The following PXK variants were observed in gnomAD, a reference collection of about 807,000 sequenced individuals.
PXK encodes PX domain containing serine/threonine kinase like, also known as PX domain-containing protein kinase-like protein.
PXK carries 35 observed loss-of-function variants against 84.7 expected under a neutral mutation model. That is an observed-to-expected ratio of 0.41 (90% CI 0.32 to 0.55). The LOEUF is 0.55. Among genes scored for constraint, PXK ranks in the 20% least tolerant of loss-of-function variants. The pLI is 0.21. For synonymous variants in PXK, 253 were observed against 260.8 expected (o/e 0.97, Z 0.29); for missense variants, 634 against 699.7 (o/e 0.91, Z 1.06).
chr3:58,381,763 T>C (rs1160578998), intron 3 of PXK, among the ~76,000 whole-genome samples: 2 of 152,098 alleles, frequency 1.3e-5, no homozygotes, highest in Non-Finnish European at 2.9e-5. Flanking sequence ...TCTTCCATAA[T>C]GGGAAATCTA....
chr3:58,403,830 G>T, intron 12 of PXK, 32 bp from the exon 13 acceptor site: 1 of 1,482,026 alleles, frequency 6.7e-7, no homozygotes. Flanking sequence ...CGTGGTTCAA[G>T]AAAGATTTTT....
chr3:58,378,512 T>TTGTGTGTGTGTGTGTGTGTGTG (rs71091375), intron 3 of PXK, among the ~76,000 whole-genome samples: 1 of 29,100 alleles, frequency 3.4e-5, no homozygotes, highest in Non-Finnish European at 6.2e-5. Flanking sequence ...TTTTTTTTTT[T>TTGTGTGTGTGTGTGTGTGTGTG]TGTGTGTGTG....
intron 1 of PXK, among the ~76,000 whole-genome samples, chr3:58,348,574 A>G (rs1191467743): frequency 1.3e-5 from 2 of 152,222 alleles, no homozygotes; most frequent in Non-Finnish European, 2.9e-5. Context: ...TATTTAACCC[A>G]ATATATCCAA....
At chr3:58,410,055 T>A in intron 15 of PXK, 35 bp from the exon 16 acceptor site, 3 of 1,383,060 alleles carry the variant, frequency 2.2e-6, no homozygotes, top group Non-Finnish European at 3.1e-6. Flanking sequence ...TTTGCTTTCC[T>A]CTCCCTCCCT....
chr3:58,349,194 A>G (rs887810744), intron 1 of PXK, among the ~76,000 whole-genome samples: 4 of 152,242 alleles, frequency 2.6e-5, no homozygotes, highest in East Asian at 1.9e-4. Context: ...TGGTTGTACC[A>G]CTGCACTCCA....
chr3:58,424,918 G>A lies in PXK; in HGVS notation c.1695G>A (p.Arg565=). The A allele has an allele frequency of 6.2e-7, 1 of 1,614,176 alleles. No individual in the cohort carries two copies. The highest frequency in any genetic ancestry group is 1.3e-5 in the African/African-American group (1 of 75,048). Residue 565 remains arginine (R), a synonymous_variant, in exon 18 of 18, where the codon AGG becomes AGA. Coordinates refer to ENST00000356151, the MANE Select transcript of PXK (RefSeq NM_017771.5). ...AGAATTTCCAAAAAGGAACTTTGAG[G>A]AAAGCCAAAACCTGTGATCACAGTG... is the stretch of plus-strand genomic sequence containing the variant. ...SIQNFQKGTL[R]KAKTCDHSAP... is the part of the protein sequence containing the mutation.
intron 4 of PXK, among the ~76,000 whole-genome samples, chr3:58,384,677 C>T (rs1051775601): frequency 6.6e-6 from 1 of 152,194 alleles, no homozygotes. Context: ...CAGGCCCACT[C>T]AGTGGTTTAT....
intron 4 of PXK, among the ~76,000 whole-genome samples, chr3:58,386,290 C>T (rs1420714962): frequency 8.0e-4 from 66 of 82,258 alleles, no homozygotes; most frequent in African/African-American, 1.4e-3. Context: ...ATCCCCCTTA[C>T]TTTTTTTTTT....
At position 58,333,038 on chromosome 3, in the gene PXK, C is replaced by T. The variant is rs562002198; in HGVS notation, c.50C>T (p.Thr17Met). ...PPAGKVLLDD[T>M]VPLTAAIEAS... ...GCCGGCAAGGTGCTGCTGGACGACA[C>T]GGTGCCGCTGACAGCAGCCATCGAG... Residue 17 changes from threonine (T) to methionine (M), a missense_variant, in exon 1 of 18, where the codon ACG becomes ATG. Physicochemically the swap from Thr to Met is moderately conservative, Grantham distance 81. Transcript: ENST00000356151. The surrounding 1 kb of genome is among the most constrained non-coding windows in gnomAD (Gnocchi z 5.4). 32 of 1,353,364 alleles carry T rather than the reference C, an allele frequency of 2.4e-5. No individual in the cohort carries two copies. The East Asian group carries it at 1.0e-3, about 43-fold the overall frequency. The allele number at this position is 1,353,364 out of a possible 1,614,324, so 83.8% of individuals were successfully genotyped here. A position where few individuals can be genotyped will look rare whatever the true frequency, so the allele number is the denominator to read the frequency against.
At chr3:58,347,136 C>T (rs757559607) in intron 1 of PXK, among the ~76,000 whole-genome samples, 51 of 152,002 alleles carry the variant, frequency 3.4e-4, no homozygotes, top group Admixed American at 2.2e-3. Flanking sequence ...CTACCGTGCC[C>T]GGCCATGTTC....
At chr3:58,341,233 A>G (rs1247447949) in intron 1 of PXK, among the ~76,000 whole-genome samples, 1 of 152,172 alleles carries the variant, frequency 6.6e-6, no homozygotes, top group African/African-American at 2.4e-5. Flanking sequence ...AACCACATTT[A>G]GGGTAAGTAA....
intron 1 of PXK, among the ~76,000 whole-genome samples, chr3:58,354,071 G>A (rs989740068): frequency 2.6e-5 from 4 of 152,224 alleles, no homozygotes; most frequent in Non-Finnish European, 4.4e-5. Context: ...TGGTGTGGCT[G>A]ATGGGCACTG....
chr3:58,404,161 AT>A (rs1353469822), intron 13 of PXK, among the ~76,000 whole-genome samples: 1 of 152,248 alleles, frequency 6.6e-6, no homozygotes, highest in Non-Finnish European at 1.5e-5. Context: ...GTATAAAAAA[AT>A]AAGGTAATGT....
intron 1 of PXK, 35 bp from the exon 2 acceptor site, chr3:58,365,839 T>C: frequency 1.4e-6 from 2 of 1,478,632 alleles, no homozygotes; most frequent in Middle Eastern, 1.9e-4. Flanking sequence ...AACTCAGTTT[T>C]ATAACTGAGG....
At chr3:58,347,167 C>G (rs1217775091) in intron 1 of PXK, among the ~76,000 whole-genome samples, 1 of 152,028 alleles carries the variant, frequency 6.6e-6, no homozygotes, top group Non-Finnish European at 1.5e-5. Context: ...AAGACGAGGT[C>G]TCACTATGTT....
intron 3 of PXK, among the ~76,000 whole-genome samples, chr3:58,378,319 A>G (rs1267721031): frequency 6.6e-6 from 1 of 152,026 alleles, no homozygotes; most frequent in Non-Finnish European, 1.5e-5. Context: ...GTCATCTGGT[A>G]AAATAAAGCC....
At chr3:58,377,354 G>T (rs2098451899) in intron 3 of PXK, among the ~76,000 whole-genome samples, 1 of 152,096 alleles carries the variant, frequency 6.6e-6, no homozygotes, top group Non-Finnish European at 1.5e-5. Context: ...CTGAATTCAG[G>T]ATGCCCTTCT....
At chr3:58,389,925 G>A (rs769266136) in intron 4 of PXK, among the ~76,000 whole-genome samples, 33 of 147,974 alleles carry the variant, frequency 2.2e-4, no homozygotes, top group Non-Finnish European at 4.4e-4. Flanking sequence ...CTTGAACCCA[G>A]GAGGTGGAGG....
At chr3:58,334,904 A>G (rs1481771127) in intron 1 of PXK, among the ~76,000 whole-genome samples, 1 of 151,560 alleles carries the variant, frequency 6.6e-6, no homozygotes, top group African/African-American at 2.4e-5. Flanking sequence ...GAAAGATGTA[A>G]TAGGATTCTG....
Sources: gnomAD v4.1 joint callset for allele counts (sites outside exome capture counted in the v4.1 genomes callset) on GRCh38, gnomAD v4.1.1 for gene constraint, Gnocchi (gnomAD v3.1) non-coding constraint, MANE v1.5 for transcripts, NCBI Gene and HGNC (gene_info 2026-07-23, HGNC 2026-07-21) for gene names.